The following SCIN variants were observed in gnomAD, a reference collection of about 807,000 sequenced individuals.
SCIN encodes scinderin.
SCIN carries 91 observed loss-of-function variants against 91.8 expected under a neutral mutation model. That is an observed-to-expected ratio of 0.99 (90% confidence interval 0.84 to 1.18). The LOEUF is 1.18. Among genes scored for constraint, SCIN ranks in the 50% most tolerant of loss-of-function variants. The pLI is 0.00. For synonymous variants in SCIN, 367 were observed against 312.6 expected (o/e 1.17, Z -1.84); for missense variants, 1,087 against 863.9 (o/e 1.26, Z -3.24).
At chr7:12,597,656 C>T (rs1477175209) in intron 3 of SCIN, among the ~76,000 whole-genome samples, 1 of 152,128 alleles carries the variant, frequency 6.6e-6, no homozygotes, top group African/African-American at 2.4e-5. Flanking sequence ...TTTTCAAGAC[C>T]AATAATAGGA....
chr7:12,657,879 G>A lies in SCIN; in HGVS notation c.*5164G>A, dbSNP rs1030325401. 3 of 151,534 alleles carry A rather than the reference G, an allele frequency of 2.0e-5. No individual in the cohort carries two copies. The highest frequency in any genetic ancestry group is 2.1e-4 in the South Asian group (1 of 4,806). 9.4% of individuals were successfully genotyped at this position (151,534 alleles called of 1,614,324 possible). A position where few individuals can be genotyped will look rare whatever the true frequency, so the allele number is the denominator to read the frequency against. ...TCTAATATACTTTTCTTCTATTATA[G>A]GAATAAGAATTCAGTAGTCATATTT... On this transcript the variant is annotated 3_prime_UTR_variant, in exon 16 of 16. Transcript: ENST00000297029.
chr7:12,588,839 A>AGGGGGGGTG (rs1562599677), intron 3 of SCIN: 1 of 2,818 alleles, frequency 3.5e-4, no homozygotes, highest in Admixed American at 2.6e-3. Flanking sequence ...GCGGGTGGGA[A>AGGGGGGGTG]GGGGGAGGGG....
At chr7:12,579,193 T>G (rs528386932) in intron 2 of SCIN, among the ~76,000 whole-genome samples, 40 of 152,262 alleles carry the variant, frequency 2.6e-4, no homozygotes, top group African/African-American at 9.4e-4. Flanking sequence ...GCGAGGTTTA[T>G]TTATACCTTT....
At position 12,654,715 on chromosome 7, in the gene SCIN, C is replaced by G. The variant is rs964388357; in HGVS notation, c.*2000C>G. ...GTTTAGCCAGTGGTTTTTCTCATCT[C>G]CAATTTATAGCACAGGCCGAGGCAT... On this transcript the variant is annotated 3_prime_UTR_variant, in exon 16 of 16. Transcript: ENST00000297029. The G allele has an allele frequency of 6.6e-6, 1 of 151,960 alleles. No individual in the cohort carries two copies. The highest frequency in any genetic ancestry group is 1.5e-5 in the Non-Finnish European group (1 of 67,980). 9.4% of individuals were successfully genotyped at this position (151,960 alleles called of 1,614,324 possible).
In SCIN at chr7:12,604,578, C is replaced by T. The variant is rs2115250030; in HGVS notation, c.581C>T (p.Ala194Val). 1 of 1,551,932 alleles carries T rather than the reference C, an allele frequency of 6.4e-7. No homozygotes were observed. The highest frequency in any genetic ancestry group is 2.4e-5 in the East Asian group (1 of 40,904). The change falls in exon 4 of 16, where the codon GCT becomes GTT. Residue 194 changes from alanine (A) to valine (V), a missense_variant. Coordinates refer to ENST00000297029, the MANE Select transcript of SCIN (RefSeq NM_001112706.3). ...GAACGTCTGAAGGCAAACCAGGTAG[C>T]TACTGGCATTCGGTACAATGAAAGG... is the stretch of plus-strand genomic sequence containing the variant. ...KYERLKANQVATGIRYNERKG... is the reference protein window; with the variant it reads ...KYERLKANQVVTGIRYNERKG...
rs200503401 is a variant in SCIN, at chr7:12,644,683, C to A, written c.1859C>A (p.Ser620Tyr). 5.1e-5 allele frequency: 81 copies of A among 1,572,864 alleles called. No homozygotes were observed. In the African/African-American group the frequency reaches 9.3e-4, roughly 18 times the overall value. The change falls in exon 13 of 16, where the codon TCT (serine) becomes TAT (tyrosine). Residue 620 changes from serine to tyrosine, a missense_variant. Coordinates refer to ENST00000297029, the MANE Select transcript of SCIN (RefSeq NM_001112706.3). Reference protein sequence around the residue: ...EDHPPRLYGCSNKTGRFVIEE... With the variant: ...EDHPPRLYGCYNKTGRFVIEE... ...CATCCACCTCGGCTTTACGGCTGCT[C>A]TAACAAAACTGGAAGATTTGTTGTA...
intron 10 of SCIN, among the ~76,000 whole-genome samples, chr7:12,637,006 C>T (rs1783765407): frequency 6.6e-6 from 1 of 152,080 alleles, no homozygotes; most frequent in African/African-American, 2.4e-5. Context: ...AGATTGATTC[C>T]TAGAGCCTCT....
In SCIN at chr7:12,657,572, A is replaced by ATATT. The variant is rs1554298408; in HGVS notation, c.*4858_*4859insATTT. 7 of 22,088 alleles carry ATATT rather than the reference A, an allele frequency of 3.2e-4. No individual in the cohort carries two copies. The highest frequency in any genetic ancestry group is 4.0e-3 in the East Asian group (1 of 252). The allele number at this position is 22,088 out of a possible 1,614,324, so 1.4% of individuals were successfully genotyped here. On this transcript the variant is annotated 3_prime_UTR_variant, in exon 16 of 16. Transcript: ENST00000297029. ...TATATATATATATATATATATATAT[A>ATATT]TTTTTTTTTTTTTTTTTTTTTTTTT...
chr7:12,649,629 A>T (rs945697857), intron 14 of SCIN, 85 bp downstream of exon 14: 1 of 841,390 alleles, frequency 1.2e-6, no homozygotes, highest in Non-Finnish European at 1.9e-6. Flanking sequence ...GTAAGTCTAG[A>T]TATAAATGAG....
chr7:12,622,654 C>T lies in SCIN; in HGVS notation c.667-147C>T, dbSNP rs1030594733. ...ATTTGGCCTATATGAAAAGGACTAC[C>T]TTGTATGCATTGATGAGAAGTGTTT... On this transcript the variant is annotated intron_variant, in intron 4 of 15. Coordinates refer to ENST00000297029, the MANE Select transcript of SCIN (RefSeq NM_001112706.3). 6.6e-6 allele frequency: 4 copies of T among 607,980 alleles called. No homozygotes were observed. In the Admixed American group the frequency reaches 1.2e-4, roughly 18 times the overall value. 37.7% of individuals were successfully genotyped at this position (607,980 alleles called of 1,614,324 possible). A position where few individuals can be genotyped will look rare whatever the true frequency, so the allele number is the denominator to read the frequency against.
At chr7:12,583,196 C>A (rs1310016176) in intron 3 of SCIN, among the ~76,000 whole-genome samples, 2 of 151,926 alleles carry the variant, frequency 1.3e-5, no homozygotes, top group East Asian at 1.9e-4. Context: ...GCTTCCAATT[C>A]AGCTTTCTAA....
At chr7:12,615,465 T>TC (rs1783279453) in intron 4 of SCIN, among the ~76,000 whole-genome samples, 1 of 152,096 alleles carries the variant, frequency 6.6e-6, no homozygotes, top group Admixed American at 6.6e-5. Context: ...GCGCCTTGCT[T>TC]CCCCTTCACC....
chr7:12,635,980 A>C (rs139456451), intron 9 of SCIN, 65 bp from the exon 10 acceptor site: 6 of 1,137,466 alleles, frequency 5.3e-6, no homozygotes, highest in Non-Finnish European at 7.8e-6. Flanking sequence ...TCTGCTTGCA[A>C]TGCCTACATG....
chr7:12,581,330 G>A, intron 3 of SCIN, 109 bp downstream of exon 3: 1 of 1,112,242 alleles, frequency 9.0e-7, no homozygotes, highest in East Asian at 2.6e-5. Flanking sequence ...CACCAGAAAG[G>A]GGCCACGTTT....
At chr7:12,625,343 T>A (rs538351141) in intron 6 of SCIN, among the ~76,000 whole-genome samples, 1 of 152,048 alleles carries the variant, frequency 6.6e-6, no homozygotes. Flanking sequence ...AAAAAAGCAT[T>A]TGGGCAATAT....
chr7:12,581,606 G>A (rs1266441470), intron 3 of SCIN, among the ~76,000 whole-genome samples: 4 of 152,170 alleles, frequency 2.6e-5, no homozygotes. Flanking sequence ...ATGGACATAA[G>A]ATGAATCTAA....
rs143039334 is a variant in SCIN, at chr7:12,651,808, A to G, written c.1960-33A>G. ...CCTAGCACTGAGTCAACATCCCAGAAATCATACATATTGTTATTGTTTCAT... is the reference window on the plus strand; with the variant it reads ...CCTAGCACTGAGTCAACATCCCAGAGATCATACATATTGTTATTGTTTCAT... On this transcript the variant is annotated intron_variant, in intron 14 of 15. Coordinates refer to ENST00000297029, the MANE Select transcript of SCIN (RefSeq NM_001112706.3). The surrounding 1 kb of genome is among the most constrained non-coding windows in gnomAD (Gnocchi z 5.9). The G allele has an allele frequency of 1.1e-5, 15 of 1,399,306 alleles. No homozygotes were observed. In the African/African-American group the frequency reaches 2.0e-4, roughly 19 times the overall value. The allele number at this position is 1,399,306 out of a possible 1,614,324, so 86.7% of individuals were successfully genotyped here.
intron 3 of SCIN, among the ~76,000 whole-genome samples, chr7:12,594,212 G>T (rs1412200786): frequency 6.6e-6 from 1 of 151,958 alleles, no homozygotes. Context: ...AGCCGGAGCA[G>T]GGACATACGG....
In SCIN at chr7:12,653,959, G is replaced by A. The variant is rs2115307834; in HGVS notation, c.*1244G>A. 1 of 150,968 alleles carries A rather than the reference G, an allele frequency of 6.6e-6. No homozygotes were observed. The highest frequency in any genetic ancestry group is 1.5e-5 in the Non-Finnish European group (1 of 67,754). 9.4% of individuals were successfully genotyped at this position (150,968 alleles called of 1,614,324 possible). A position where few individuals can be genotyped will look rare whatever the true frequency, so the allele number is the denominator to read the frequency against. ...TCTATTTTATTTCCAATATACCATT[G>A]TATATCAGTATATACTGATACACTG... On this transcript the variant is annotated 3_prime_UTR_variant, in exon 16 of 16. Transcript: ENST00000297029. The surrounding 1 kb of genome is among the most constrained non-coding windows in gnomAD (Gnocchi z 4.1).
Sources: gnomAD v4.1 joint callset for allele counts (sites outside exome capture counted in the v4.1 genomes callset) on GRCh38, gnomAD v4.1.1 for gene constraint, Gnocchi (gnomAD v3.1) non-coding constraint, MANE v1.5 for transcripts, NCBI Gene and HGNC (gene_info 2026-07-23, HGNC 2026-07-21) for gene names.